Variants in ADGRL3 observed in about 807,000 individuals in gnomAD.
ADGRL3 encodes calcium-independent alpha-latrotoxin receptor 3.
ADGRL3 carries 62 observed loss-of-function variants against 153.5 expected under a neutral mutation model. The observed-to-expected ratio is 0.40, with a 90% confidence interval of 0.33 to 0.50. The LOEUF is 0.50. ADGRL3 is among the 20% of genes least tolerant of loss of function. ADGRL3 has a pLI of 0.47. For synonymous variants in ADGRL3, 710 were observed against 672.5 expected (o/e 1.06, Z -0.86); for missense variants, 1,641 against 1,859.4 (o/e 0.88, Z 2.16).
intron 17 of ADGRL3, among the ~76,000 whole-genome samples, chr4:61,968,682 A>T (rs973831656): frequency 6.6e-6 from 1 of 152,166 alleles, no homozygotes; most frequent in Non-Finnish European, 1.5e-5. Flanking sequence ...AAAAAATTTC[A>T]TTATAAAACC....
At chr4:61,334,543 A>G (rs1021051709) in intron 1 of ADGRL3, among the ~76,000 whole-genome samples, 14 of 151,948 alleles carry the variant, frequency 9.2e-5, no homozygotes, top group Admixed American at 6.6e-4. Context: ...TTCTGGGGCA[A>G]CTCTCCTTTT....
intron 21 of ADGRL3, among the ~76,000 whole-genome samples, chr4:62,024,294 C>T (rs903152399): frequency 6.6e-6 from 1 of 151,906 alleles, no homozygotes; most frequent in African/African-American, 2.4e-5. Flanking sequence ...TTCAAATTTG[C>T]AATATTGATA....
chr4:61,652,331 C>T (rs2094290353), intron 5 of ADGRL3, among the ~76,000 whole-genome samples: 1 of 151,930 alleles, frequency 6.6e-6, no homozygotes, highest in Non-Finnish European at 1.5e-5. Flanking sequence ...ATTTTTTACC[C>T]AGTCTGAAGA....
chr4:61,213,173 C>G (rs1381596157), intron 1 of ADGRL3, among the ~76,000 whole-genome samples: 1 of 152,140 alleles, frequency 6.6e-6, no homozygotes, highest in Non-Finnish European at 1.5e-5. Context: ...AATTAACCTA[C>G]TTTATTACAA....
chr4:61,493,303 C>CACCT (rs1217320665), intron 2 of ADGRL3, among the ~76,000 whole-genome samples: 1 of 152,050 alleles, frequency 6.6e-6, no homozygotes, highest in African/African-American at 2.4e-5. Context: ...TTCCGTTTCC[C>CACCT]ACCTCTATTT....
At chr4:61,492,665 C>G (rs1423292102) in intron 2 of ADGRL3, among the ~76,000 whole-genome samples, 4 of 151,970 alleles carry the variant, frequency 2.6e-5, no homozygotes, top group Admixed American at 6.6e-5. Context: ...AGAAGACTTA[C>G]TTTTGTTGAA....
intron 17 of ADGRL3, among the ~76,000 whole-genome samples, chr4:61,978,825 AT>A (rs2099057221): frequency 1.3e-5 from 2 of 152,096 alleles, no homozygotes. Context: ...CTGCTGTTTA[AT>A]ACAGCAATTC....
chr4:61,797,430 A>G (rs1209695115), intron 8 of ADGRL3, among the ~76,000 whole-genome samples: 2 of 152,178 alleles, frequency 1.3e-5, no homozygotes, highest in African/African-American at 4.8e-5. Flanking sequence ...AGTATGGGGA[A>G]AAAATAAAGC....
intron 6 of ADGRL3, among the ~76,000 whole-genome samples, chr4:61,694,835 T>C (rs1169567590): frequency 1.3e-5 from 2 of 152,238 alleles, no homozygotes; most frequent in Admixed American, 1.3e-4. Context: ...ATTAAGTTTA[T>C]GTAATATTCC....
rs984432242 is a variant in ADGRL3, at chr4:61,201,078, G to C, written c.-927G>C. 2.0e-5 allele frequency among the ~76,000 whole-genome samples: 3 copies of C among 152,156 alleles called. No individual in the cohort carries two copies. The East Asian group carries it at 5.8e-4, about 30-fold the overall frequency. On this transcript the variant is annotated 5_prime_UTR_variant, in exon 1 of 27. Coordinates refer to ENST00000683033, the MANE Select transcript of ADGRL3 (RefSeq NM_001387552.1). Reference sequence around the variant, plus strand: ...AGGACGAAGAGGAGGACGGTTTGGCGGAGAAGCCACCCCTGGCCCTCGCGG... The same window carrying C: ...AGGACGAAGAGGAGGACGGTTTGGCCGAGAAGCCACCCCTGGCCCTCGCGG...
At chr4:61,473,742 G>A (rs915803630) in intron 2 of ADGRL3, among the ~76,000 whole-genome samples, 1 of 151,964 alleles carries the variant, frequency 6.6e-6, no homozygotes, top group Non-Finnish European at 1.5e-5. Context: ...AAATAGAAAA[G>A]CTTACTTCTA....
intron 25 of ADGRL3, among the ~76,000 whole-genome samples, chr4:62,057,958 T>C (rs114538174): frequency 0.028 from 4,265 of 152,152 alleles, 213 homozygotes; most frequent in African/African-American, 0.099. Context: ...GGATTACAGG[T>C]GTGAGACACT....
intron 4 of ADGRL3, among the ~76,000 whole-genome samples, chr4:61,586,980 CT>C (rs1322481515): frequency 6.6e-6 from 1 of 151,616 alleles, no homozygotes; most frequent in Non-Finnish European, 1.5e-5. Flanking sequence ...TCGACAGTGC[CT>C]TTTTTCATTT....
chr4:62,077,091 A>G lies in ADGRL3; in HGVS notation c.*6183A>G, dbSNP rs1747400178. The G allele has an allele frequency of 6.6e-6, 1 of 151,978 alleles. No homozygotes were observed. The highest frequency in any genetic ancestry group is 1.9e-4 in the East Asian group (1 of 5,192). The allele number at this position is 151,978 out of a possible 1,614,324, so 9.4% of individuals were successfully genotyped here. ...CATAAAATTCTACATACAGTTGTAC[A>G]TGGTGGGTTATCAAAGTACTCCATA... On this transcript the variant is annotated 3_prime_UTR_variant, in exon 27 of 27. Coordinates refer to ENST00000683033, the MANE Select transcript of ADGRL3 (RefSeq NM_001387552.1).
At chr4:62,060,399 A>T (rs959895910) in intron 25 of ADGRL3, among the ~76,000 whole-genome samples, 8 of 152,042 alleles carry the variant, frequency 5.3e-5, no homozygotes, top group African/African-American at 1.9e-4. Flanking sequence ...CCTTAGCCAT[A>T]AACATTTTGC....
intron 8 of ADGRL3, among the ~76,000 whole-genome samples, chr4:61,778,651 C>T (rs528744482): frequency 1.3e-5 from 2 of 152,260 alleles, no homozygotes; most frequent in South Asian, 2.1e-4. Context: ...GTATATTCAT[C>T]GAACCTTGTT....
At chr4:61,924,095 CT>C (rs916149832) in intron 13 of ADGRL3, among the ~76,000 whole-genome samples, 100 of 152,218 alleles carry the variant, frequency 6.6e-4, no homozygotes, top group African/African-American at 2.3e-3. Context: ...CGAAACTGCC[CT>C]TTTTGAGGTC....
intron 1 of ADGRL3, among the ~76,000 whole-genome samples, chr4:61,229,034 C>A (rs1265721877): frequency 3.9e-5 from 6 of 152,090 alleles, no homozygotes; most frequent in African/African-American, 1.4e-4. Flanking sequence ...TGGTATCTGG[C>A]ACATGTACAG....
chr4:61,925,128 A>C (rs1291842918), intron 13 of ADGRL3, among the ~76,000 whole-genome samples: 1 of 152,168 alleles, frequency 6.6e-6, no homozygotes, highest in East Asian at 1.9e-4. Flanking sequence ...TTCGTTTTAC[A>C]ATCACTCTGT....
Sources: gnomAD v4.1 joint callset for allele counts (sites outside exome capture counted in the v4.1 genomes callset) on GRCh38, gnomAD v4.1.1 for gene constraint, MANE v1.5 for transcripts, NCBI Gene and HGNC (gene_info 2026-07-23, HGNC 2026-07-21) for gene names.